Variants in TRERF1 observed in about 807,000 individuals in gnomAD.
The protein encoded by TRERF1 is transcriptional regulating factor 1, also known as transcriptional-regulating factor 1.
Under a neutral mutation model 122.9 loss-of-function variants are expected in TRERF1, and 27 were observed. That is an observed-to-expected ratio of 0.22 (90% confidence interval 0.16 to 0.30). TRERF1 has a LOEUF of 0.30. Among genes scored for constraint, TRERF1 ranks in the 10% least tolerant of loss-of-function variants. The pLI is 1.00. For missense variants in TRERF1, 1,248 were observed against 1,560.3 expected (o/e 0.80, Z 3.37); for synonymous variants, 636 against 641.7 (o/e 0.99, Z 0.13).
At chr6:42,349,193 G>A (rs761057773) in intron 3 of TRERF1, among the ~76,000 whole-genome samples, 1 of 152,112 alleles carries the variant, frequency 6.6e-6, no homozygotes, top group Non-Finnish European at 1.5e-5. Flanking sequence ...AACTGTTTCA[G>A]GGGAGCACAG....
chr6:42,362,438 A>G (rs949067060), intron 3 of TRERF1, among the ~76,000 whole-genome samples: 1 of 152,238 alleles, frequency 6.6e-6, no homozygotes, highest in Non-Finnish European at 1.5e-5. Flanking sequence ...TAAAAGCTTA[A>G]AATTCTATTT....
At chr6:42,449,141 C>T (rs1426194600) in intron 2 of TRERF1, among the ~76,000 whole-genome samples, 6 of 152,234 alleles carry the variant, frequency 3.9e-5, no homozygotes, top group Non-Finnish European at 8.8e-5. Context: ...CACATAAATG[C>T]TATGTGATAA....
chr6:42,395,342 T>C (rs1304492746), intron 2 of TRERF1, among the ~76,000 whole-genome samples: 1 of 152,168 alleles, frequency 6.6e-6, no homozygotes, highest in South Asian at 2.1e-4. Context: ...GCTAAATTCA[T>C]TGGTGTGACC....
intron 2 of TRERF1, among the ~76,000 whole-genome samples, chr6:42,449,443 C>T (rs957949744): frequency 6.8e-6 from 1 of 146,300 alleles, no homozygotes. Flanking sequence ...TTTATTACCG[C>T]AAGAACATTC....
At chr6:42,328,004 C>CTTTTTTTTTTTTTTTT (rs36069546) in intron 3 of TRERF1, among the ~76,000 whole-genome samples, 2 of 108,002 alleles carry the variant, frequency 1.9e-5, no homozygotes, top group Non-Finnish European at 1.9e-5. Context: ...TTCTTTCTTT[C>CTTTTTTTTTTTTTTTT]TTTTTTTTTT....
intron 4 of TRERF1, among the ~76,000 whole-genome samples, chr6:42,288,574 CAAAAAAAAAA>C (rs3074797): frequency 4.6e-5 from 4 of 86,548 alleles, no homozygotes; most frequent in African/African-American, 9.8e-5. Flanking sequence ...ATCTCAAAAC[CAAAAAAAAAA>C]AAAAAAAAAA....
At chr6:42,403,935 C>G (rs550465816) in intron 2 of TRERF1, among the ~76,000 whole-genome samples, 3 of 151,706 alleles carry the variant, frequency 2.0e-5, no homozygotes, top group Non-Finnish European at 2.9e-5. Context: ...CATGAGACCC[C>G]CCCCAGGCCT....
At chr6:42,279,896 C>T (rs1781989292) in intron 4 of TRERF1, among the ~76,000 whole-genome samples, 1 of 152,154 alleles carries the variant, frequency 6.6e-6, no homozygotes, top group Non-Finnish European at 1.5e-5. Context: ...AAGGGACAAC[C>T]ACTCCCCTTT....
At chr6:42,248,304 C>G (rs1377415795) in intron 13 of TRERF1, among the ~76,000 whole-genome samples, 2 of 152,132 alleles carry the variant, frequency 1.3e-5, no homozygotes, top group African/African-American at 4.8e-5. Context: ...GGTCAGACAT[C>G]TACAAAAGCA....
rs1778987161 is a variant in TRERF1, at chr6:42,398,821, A to C, written c.-453-35742T>G. 2.0e-5 allele frequency among the ~76,000 whole-genome samples: 3 copies of C among 152,372 alleles called. No individual in the cohort carries two copies. In the South Asian group the frequency reaches 6.2e-4, roughly 32 times the overall value. On this transcript the variant is annotated intron_variant, in intron 2 of 17. Coordinates refer to ENST00000372922, the Ensembl canonical transcript of TRERF1. ...GCATGATCAAAGCAATTCTGTAGTG[A>C]GAGCTCATCTTAAGTAAGCCAGTGA...
At chr6:42,362,187 G>A (rs1460717512) in intron 3 of TRERF1, among the ~76,000 whole-genome samples, 1 of 152,120 alleles carries the variant, frequency 6.6e-6, no homozygotes, top group African/African-American at 2.4e-5. Context: ...ACGTGTTTCC[G>A]ACTGGAACCC....
intron 2 of TRERF1, among the ~76,000 whole-genome samples, chr6:42,435,495 G>T (rs971391367): frequency 6.6e-6 from 1 of 151,970 alleles, no homozygotes; most frequent in African/African-American, 2.4e-5. Context: ...AAGCTATAGT[G>T]AGCTGTGATC....
chr6:42,446,561 G>C (rs567954659), intron 2 of TRERF1, among the ~76,000 whole-genome samples: 1 of 152,320 alleles, frequency 6.6e-6, no homozygotes, highest in African/African-American at 2.4e-5. Context: ...GTAAGGGTAG[G>C]GGTATGGGTA....
At chr6:42,348,310 G>C (rs1254508245) in intron 3 of TRERF1, among the ~76,000 whole-genome samples, 1 of 151,918 alleles carries the variant, frequency 6.6e-6, no homozygotes, top group Non-Finnish European at 1.5e-5. Context: ...CTGGAGTGCA[G>C]TGGCACAATC....
intron 3 of TRERF1, among the ~76,000 whole-genome samples, chr6:42,339,577 T>C (rs1295251530): frequency 6.6e-6 from 1 of 152,268 alleles, no homozygotes; most frequent in African/African-American, 2.4e-5. Flanking sequence ...TCTTTACTTC[T>C]TGGATTACTT....
At chr6:42,365,320 C>A (rs537254115) in intron 2 of TRERF1, among the ~76,000 whole-genome samples, 2 of 152,176 alleles carry the variant, frequency 1.3e-5, no homozygotes, top group Non-Finnish European at 2.9e-5. Flanking sequence ...GAGGCACAAT[C>A]TGCATGGATG....
chr6:42,283,901 C>A (rs1390929439), intron 4 of TRERF1, among the ~76,000 whole-genome samples: 1 of 152,078 alleles, frequency 6.6e-6, no homozygotes, highest in Admixed American at 6.5e-5. Context: ...CAGGTGTGAG[C>A]CACTGCACCC....
intron 4 of TRERF1, among the ~76,000 whole-genome samples, chr6:42,285,228 T>G (rs1385986056): frequency 2.0e-5 from 3 of 152,278 alleles, no homozygotes; most frequent in African/African-American, 4.8e-5. Context: ...CTAGGTATTT[T>G]ATTCTCTTTG....
intron 12 of TRERF1, among the ~76,000 whole-genome samples, chr6:42,255,487 TA>T (rs1561835417): frequency 6.6e-6 from 1 of 152,240 alleles, no homozygotes; most frequent in Non-Finnish European, 1.5e-5. Context: ...AGAATCTTGC[TA>T]CTCTAAGTGT....
Sources: gnomAD v4.1 joint callset for allele counts (sites outside exome capture counted in the v4.1 genomes callset) on GRCh38, gnomAD v4.1.1 for gene constraint, MANE v1.5 for transcripts, NCBI Gene and HGNC (gene_info 2026-07-23, HGNC 2026-07-21) for gene names.